Variants in KLF8 observed in about 807,000 individuals in gnomAD.
The protein encoded by KLF8 is Krueppel-like factor 8.
KLF8 carries 10 observed loss-of-function variants against 18.2 expected under a neutral mutation model. The ratio of observed to expected loss-of-function variants is 0.55; its 90% CI spans 0.34 to 0.93. The LOEUF is 0.93. Ranked by LOEUF, KLF8 falls within the 40% of genes least tolerant of loss-of-function variation. The probability of loss-of-function intolerance (pLI) is 0.02; values close to 1 mark genes in which losing one functional copy is unlikely to be tolerated. For missense variants in KLF8, 264 were observed against 277.9 expected (o/e 0.95, Z 0.36); for synonymous variants, 109 against 97.3 (o/e 1.12, Z -0.71).
chrX:56,086,589 AAC>A, the KLF8 span, among the ~76,000 whole-genome samples: 7 of 111,239 alleles, frequency 6.3e-5, no homozygotes, highest in South Asian at 7.6e-4. Context: ...CTAAAGCAAT[AAC>A]ACAGACATTT....
At chrX:55,934,897 C>G in the KLF8 span, among the ~76,000 whole-genome samples, 1 of 111,673 alleles carries the variant, frequency 9.0e-6, no homozygotes, top group African/African-American at 3.3e-5. Flanking sequence ...GGGTAGGAGA[C>G]CACAGTAACC....
chrX:56,186,271 G>T, the KLF8 span, among the ~76,000 whole-genome samples: 1 of 111,125 alleles, frequency 9.0e-6, no homozygotes, highest in Non-Finnish European at 1.9e-5. Flanking sequence ...GATCAAAAGA[G>T]ACAAAGAAGG....
At chrX:56,064,585 T>A in the KLF8 span, among the ~76,000 whole-genome samples, 1 of 111,860 alleles carries the variant, frequency 8.9e-6, no homozygotes, top group African/African-American at 3.2e-5. Context: ...TTATATATTC[T>A]TTGTTTCTTT....
the KLF8 span, among the ~76,000 whole-genome samples, chrX:55,996,945 C>T: frequency 2.7e-5 from 3 of 112,093 alleles, no homozygotes; most frequent in African/African-American, 6.5e-5. Flanking sequence ...GTGATGTTTG[C>T]GTACTCATGC....
chrX:55,969,103 G>T, the KLF8 span, among the ~76,000 whole-genome samples: 1 of 111,772 alleles, frequency 8.9e-6, no homozygotes, highest in Non-Finnish European at 1.9e-5. Flanking sequence ...TAGACCAAAT[G>T]GATCTAATAG....
At chrX:56,000,411 G>C in the KLF8 span, among the ~76,000 whole-genome samples, 2 of 93,213 alleles carry the variant, frequency 2.1e-5, no homozygotes, top group Non-Finnish European at 4.1e-5. Context: ...AGTAGAATTG[G>C]CACCAGTTCT....
chrX:55,997,877 G>T, the KLF8 span, among the ~76,000 whole-genome samples: 1 of 110,260 alleles, frequency 9.1e-6, no homozygotes, highest in Non-Finnish European at 1.9e-5. Context: ...AAGAAATAAG[G>T]GGACCTGGGG....
chrX:56,128,366 C>A, the KLF8 span, among the ~76,000 whole-genome samples: 2 of 111,456 alleles, frequency 1.8e-5, no homozygotes, highest in Non-Finnish European at 3.8e-5. Context: ...AGGAACAGAA[C>A]AATAACAAAC....
At chrX:56,108,757 T>C in the KLF8 span, among the ~76,000 whole-genome samples, 1 of 112,116 alleles carries the variant, frequency 8.9e-6, no homozygotes, top group Non-Finnish European at 1.9e-5. Context: ...TGCTCTTTTG[T>C]AGTTCCTAAG....
the KLF8 span, among the ~76,000 whole-genome samples, chrX:55,993,042 G>C: frequency 5.4e-5 from 6 of 111,344 alleles, no homozygotes; most frequent in Non-Finnish European, 1.9e-5. Context: ...CATCATCTGA[G>C]AAGAGAGGTA....
chrX:56,040,936 T>A, the KLF8 span, among the ~76,000 whole-genome samples: 6 of 97,014 alleles, frequency 6.2e-5, no homozygotes, highest in Non-Finnish European at 1.2e-4. Flanking sequence ...TTGCCTCGAT[T>A]TCAGAACTTG....
chrX:56,089,865 C>G, the KLF8 span, among the ~76,000 whole-genome samples: 3 of 112,352 alleles, frequency 2.7e-5, no homozygotes, highest in Non-Finnish European at 5.6e-5. Context: ...CAATAAAATT[C>G]AGAAAAATTT....
the KLF8 span, among the ~76,000 whole-genome samples, chrX:55,982,590 TA>T: frequency 1.1e-4 from 12 of 111,770 alleles, no homozygotes; most frequent in Non-Finnish European, 1.9e-4. Context: ...TTAAAATGGT[TA>T]AAATTGGGGG....
chrX:56,159,104 T>G, the KLF8 span, among the ~76,000 whole-genome samples: 2 of 112,266 alleles, frequency 1.8e-5, no homozygotes, highest in African/African-American at 6.5e-5. Context: ...GAAGCGTTGT[T>G]GAATTTTGTC....
At chrX:56,029,765 C>T in the KLF8 span, among the ~76,000 whole-genome samples, 957 of 111,790 alleles carry the variant, frequency 8.6e-3, 10 homozygotes, top group African/African-American at 0.029. Context: ...ACGCTGCAGA[C>T]GTGAGCGATT....
chrX:56,267,731 A>G (rs2066990268), intron 3 of KLF8: 1 of 112,055 alleles, frequency 8.9e-6, no homozygotes, highest in African/African-American at 3.2e-5. Context: ...GTTTTGAAGT[A>G]CATATGCATT....
the KLF8 span, among the ~76,000 whole-genome samples, chrX:55,940,733 AACAG>A: frequency 3.6e-4 from 40 of 111,070 alleles, no homozygotes; most frequent in African/African-American, 1.0e-3. Context: ...ATACACCAGT[AACAG>A]ACAGAGAGCC....
the KLF8 span, among the ~76,000 whole-genome samples, chrX:56,217,605 G>C: frequency 9.1e-6 from 1 of 110,128 alleles, no homozygotes; most frequent in South Asian, 3.9e-4. Context: ...ATTTTTAGTA[G>C]AGACGGGGTT....
chrX:56,149,957 T>G, the KLF8 span, among the ~76,000 whole-genome samples: 1 of 111,788 alleles, frequency 8.9e-6, no homozygotes, highest in Non-Finnish European at 1.9e-5. Context: ...ATTTTTTAAA[T>G]GCTGAGTACT....
Sources: allele counts gnomAD v4.1 joint callset (sites outside exome capture counted in the v4.1 genomes callset), GRCh38; gene constraint gnomAD v4.1.1; transcripts MANE v1.5; gene names NCBI Gene and HGNC (gene_info 2026-07-23, HGNC 2026-07-21).